The following FAM13A variants were observed in gnomAD, a reference collection of about 807,000 sequenced individuals.
FAM13A encodes the protein family with sequence similarity 13 member A, also known as protein FAM13A.
Under a neutral mutation model 129.6 loss-of-function variants are expected in FAM13A, and 76 were observed. The ratio of observed to expected loss-of-function variants is 0.59; its 90% confidence interval spans 0.49 to 0.71. FAM13A has a LOEUF of 0.71. Ranked by LOEUF, FAM13A falls within the 30% of genes least tolerant of loss-of-function variation. The pLI is 0.00. For synonymous variants in FAM13A, 443 were observed against 449.9 expected, an observed-to-expected ratio of 0.98 and a Z score of 0.20; for missense variants, 1,108 against 1,249.3, an observed-to-expected ratio of 0.89 and a Z score of 1.70.
intron 1 of FAM13A, among the ~76,000 whole-genome samples, chr4:89,040,877 A>C (rs372066892): frequency 8.6e-4 from 131 of 152,298 alleles, no homozygotes; most frequent in Middle Eastern, 6.8e-3. Context: ...GGCACCATCT[A>C]ATCAGCTGCC....
intron 7 of FAM13A, among the ~76,000 whole-genome samples, chr4:88,809,361 G>C (rs1729206056): frequency 6.6e-6 from 1 of 152,066 alleles, no homozygotes; most frequent in Non-Finnish European, 1.5e-5. Flanking sequence ...TGCATATTTA[G>C]CCACACACTT....
chr4:88,845,217 G>A (rs1736445031), intron 7 of FAM13A, among the ~76,000 whole-genome samples: 1 of 152,012 alleles, frequency 6.6e-6, no homozygotes, highest in Admixed American at 6.6e-5. Context: ...GGTGACTGAT[G>A]ATAGAAAAGG....
Position 88,728,529 on chromosome 4 carries a change from C to G in FAM13A, c.*4G>C. ...TGCCAGCCCCCTGTGCTTGGCCATGCCCCTCACATGGACTTGGAATCAGTG... is the reference window on the plus strand; with the variant it reads ...TGCCAGCCCCCTGTGCTTGGCCATGGCCCTCACATGGACTTGGAATCAGTG... On this transcript the variant is annotated 3_prime_UTR_variant, in exon 24 of 24. Coordinates refer to ENST00000264344, the MANE Select transcript of FAM13A (RefSeq NM_014883.4). 6.2e-7 allele frequency: 1 copy of G among 1,614,040 alleles called. No homozygotes were observed. The highest frequency in any genetic ancestry group is 8.5e-7 in the Non-Finnish European group (1 of 1,179,976).
chr4:88,749,723 G>A (rs548825131), intron 16 of FAM13A, 48 bp downstream of exon 16: 3 of 1,596,254 alleles, frequency 1.9e-6, no homozygotes, highest in African/African-American at 1.3e-5. Flanking sequence ...ATGCTGCCAT[G>A]TCCAGGGAGA....
At chr4:88,737,649 CTT>C (rs1420854410) in intron 20 of FAM13A, 94 bp from the exon 21 acceptor site, 1 of 936,824 alleles carries the variant, frequency 1.1e-6, no homozygotes, top group Non-Finnish European at 1.7e-6. Context: ...TATTTATTAA[CTT>C]TTAACTCTGC....
chr4:88,848,700 G>A (rs1355973282), intron 7 of FAM13A, among the ~76,000 whole-genome samples: 1 of 152,088 alleles, frequency 6.6e-6, no homozygotes, highest in Non-Finnish European at 1.5e-5. Flanking sequence ...TGGTTGTCAT[G>A]GGATCTTTGA....
intron 6 of FAM13A, among the ~76,000 whole-genome samples, chr4:88,881,623 G>T (rs1366116977): frequency 6.6e-6 from 1 of 151,992 alleles, no homozygotes; most frequent in Non-Finnish European, 1.5e-5. Context: ...TCCAAAACAA[G>T]AAGAAATCTC....
intron 5 of FAM13A, among the ~76,000 whole-genome samples, chr4:88,921,878 A>C (rs1379536566): frequency 1.3e-5 from 2 of 152,108 alleles, no homozygotes; most frequent in African/African-American, 4.8e-5. Context: ...AATGGAAAAC[A>C]AAAAAAGGCA....
At chr4:88,982,971 G>C (rs1761821188) in intron 4 of FAM13A, among the ~76,000 whole-genome samples, 1 of 152,140 alleles carries the variant, frequency 6.6e-6, no homozygotes, top group African/African-American at 2.4e-5. Context: ...TCCAGTGATT[G>C]ATGGAAATGG....
Position 88,991,059 on chromosome 4 carries a change from C to A in FAM13A, c.519G>T (p.Gln173His). The A allele has an allele frequency of 5.0e-6, 8 of 1,613,912 alleles. No individual in the cohort carries two copies. The highest frequency in any genetic ancestry group is 6.8e-6 in the Non-Finnish European group (8 of 1,179,810). ...GATGCTTGGCTACTTTTGTCAAGAA[C>A]TGGCAAAGGTACTTGAGGAGGCAGT... ...THYCLLKYLC[Q>H]FLTKVAKHHV... Residue 173 changes from glutamine (Q) to histidine (H), a missense_variant, in exon 4 of 24, where the codon CAG (glutamine) becomes CAT (histidine). This residue lies in a region of FAM13A where 566 missense variants were observed against 595.7 expected (regional missense o/e 0.95). Coordinates refer to ENST00000264344, the MANE Select transcript of FAM13A (RefSeq NM_014883.4).
intron 7 of FAM13A, among the ~76,000 whole-genome samples, chr4:88,806,717 G>T (rs1728636921): frequency 6.6e-6 from 1 of 152,100 alleles, no homozygotes; most frequent in Non-Finnish European, 1.5e-5. Context: ...AATGTGGATG[G>T]GCTGAGGGCA....
chr4:88,899,735 G>A (rs1291861665), intron 6 of FAM13A, among the ~76,000 whole-genome samples: 1 of 152,030 alleles, frequency 6.6e-6, no homozygotes, highest in East Asian at 1.9e-4. Flanking sequence ...TTCTCCAAAT[G>A]ACTGCAACAC....
At chr4:88,867,317 T>C (rs1308076198) in intron 6 of FAM13A, among the ~76,000 whole-genome samples, 4 of 152,194 alleles carry the variant, frequency 2.6e-5, no homozygotes, top group African/African-American at 9.6e-5. Flanking sequence ...CTTCTTGTGC[T>C]TTAGAAACAT....
chr4:88,859,297 A>C (rs372708674), intron 6 of FAM13A, among the ~76,000 whole-genome samples: 1 of 152,134 alleles, frequency 6.6e-6, no homozygotes, highest in African/African-American at 2.4e-5. Flanking sequence ...GACCCAGGAG[A>C]GGGAGGAGGA....
In FAM13A at chr4:88,732,190, C is replaced by T; in HGVS notation, c.2655G>A (p.Glu885=). 5.0e-6 allele frequency: 8 copies of T among 1,606,206 alleles called. No homozygotes were observed. Among genetic ancestry groups the T allele is most frequent in the African/African-American group, 1.3e-5 (1 of 74,804 alleles). The change falls in exon 22 of 24, where the codon GAG becomes GAA. Residue 885 remains glutamate (E), a synonymous_variant. Coordinates refer to ENST00000264344, the MANE Select transcript of FAM13A (RefSeq NM_014883.4). The part of the protein sequence containing the change: ...ASFFKEIKEE[E]EGSEDDSNVK... ...CATTGCTATCGTCTTCTGACCCCTCCTCTTCTTCCTGGAGATACACAGCAA... is the reference window on the plus strand; with the variant it reads ...CATTGCTATCGTCTTCTGACCCCTCTTCTTCTTCCTGGAGATACACAGCAA...
chr4:88,954,800 C>G (rs369246680), intron 4 of FAM13A, among the ~76,000 whole-genome samples: 1 of 151,534 alleles, frequency 6.6e-6, no homozygotes, highest in African/African-American at 2.4e-5. Context: ...GCAGGAGAAC[C>G]GCTTGAACCC....
In FAM13A at chr4:88,779,406, G is replaced by A. The variant is rs932916828; in HGVS notation, c.1458+1759C>T. ...TCAGGATGTCGTCTTAATATTAGTC[G>A]TCGTTGTGTTCCCTGGCTCTTTGCT... On this transcript the variant is annotated intron_variant, in intron 11 of 23. Transcript: ENST00000264344. 7.9e-5 allele frequency among the ~76,000 whole-genome samples: 12 copies of A among 152,262 alleles called. No individual in the cohort carries two copies. In the East Asian group the frequency reaches 9.6e-4, roughly 12 times the overall value.
chr4:88,923,103 C>A (rs1168189320), intron 5 of FAM13A, among the ~76,000 whole-genome samples: 1 of 152,092 alleles, frequency 6.6e-6, no homozygotes, highest in Non-Finnish European at 1.5e-5. Flanking sequence ...GGATTCACAG[C>A]CGAATTCTAC....
chr4:88,890,493 C>T (rs1745140905), intron 6 of FAM13A, among the ~76,000 whole-genome samples: 1 of 152,114 alleles, frequency 6.6e-6, no homozygotes, highest in Non-Finnish European at 1.5e-5. Flanking sequence ...TCAAAAGAGA[C>T]TTTCAGTAGA....
Sources: allele counts gnomAD v4.1 joint callset (sites outside exome capture counted in the v4.1 genomes callset), GRCh38; gene constraint gnomAD v4.1.1; regional missense constraint gnomAD v4.1.1; transcripts MANE v1.5; gene names NCBI Gene and HGNC (gene_info 2026-07-23, HGNC 2026-07-21).